GTF2E2: variants seen among roughly 807,000 people sequenced by gnomAD.
GTF2E2 encodes general transcription factor IIE subunit 2.
A neutral mutation model predicts 40.5 loss-of-function variants in GTF2E2; 21 were observed. That is an observed-to-expected ratio of 0.52 (90% CI 0.37 to 0.75). The LOEUF is 0.75. Among genes scored for constraint, GTF2E2 ranks in the 30% least tolerant of loss-of-function variants. The pLI, the probability that GTF2E2 is intolerant of heterozygous loss-of-function variation, is 0.00. For synonymous variants in GTF2E2, 117 were observed against 121.6 expected, an observed-to-expected ratio of 0.96 and a Z score of 0.25; for missense variants, 298 against 338.4, an observed-to-expected ratio of 0.88 and a Z score of 0.94.
chr8:30,584,105 C>A (rs1377690952), intron 6 of GTF2E2, among the ~76,000 whole-genome samples: 1 of 152,054 alleles, frequency 6.6e-6, no homozygotes, highest in Non-Finnish European at 1.5e-5. Flanking sequence ...CGTGCCCAGC[C>A]GACGATCAGT....
intron 5 of GTF2E2, among the ~76,000 whole-genome samples, chr8:30,607,893 G>A (rs763508290): frequency 3.9e-5 from 6 of 152,124 alleles, no homozygotes; most frequent in Non-Finnish European, 7.3e-5. Flanking sequence ...ATAGAAGAAT[G>A]ATTAAATCAC....
chr8:30,658,143 T>TGGCGGCGGCGGCGGC lies in GTF2E2; in HGVS notation c.-190_-176dup, dbSNP rs576140574. Reference sequence around the variant, plus strand: ...CAGGTCGGGGTCTCACCACTGGCGGTGGCGGCGGCGGCGGCGGCAGCGGCG... The same window carrying TGGCGGCGGCGGCGGC: ...CAGGTCGGGGTCTCACCACTGGCGGTGGCGGCGGCGGCGGCGGCGGCGGCGGCGGCGGCAGCGGCG... On this transcript the variant is annotated 5_prime_UTR_variant, in exon 1 of 8. Transcript: ENST00000355904. The TGGCGGCGGCGGCGGC allele has an allele frequency of 2.7e-3, 506 of 185,720 alleles. 82 individuals are homozygous for TGGCGGCGGCGGCGGC. The highest frequency in any genetic ancestry group is 3.5e-3 in the Non-Finnish European group (317 of 91,172). 11.5% of individuals were successfully genotyped at this position (185,720 alleles called of 1,614,324 possible). A position where few individuals can be genotyped will look rare whatever the true frequency, so the allele number is the denominator to read the frequency against.
intron 2 of GTF2E2, chr8:30,645,825 C>A (rs1802055178): frequency 2.3e-6 from 1 of 439,644 alleles, no homozygotes; most frequent in Admixed American, 3.9e-5. Flanking sequence ...CTGTTTAATA[C>A]TGACACTTCA....
intron 2 of GTF2E2, among the ~76,000 whole-genome samples, chr8:30,637,971 T>TA (rs1292033506): frequency 2.0e-5 from 3 of 152,244 alleles, no homozygotes; most frequent in African/African-American, 7.2e-5. Context: ...ACTCTGTCTC[T>TA]AAAGAGCCAA....
Position 30,607,098 on chromosome 8 carries a change from AG to A in GTF2E2, c.601del (p.Leu201PhefsTer25). On this transcript the variant is annotated frameshift_variant, in exon 6 of 8. Coordinates refer to ENST00000355904, the MANE Select transcript of GTF2E2 (RefSeq NM_002095.6). LOFTEE classifies it high-confidence loss of function. Reference sequence around the variant, plus strand: ...CTGACAGCTCTTATCATTGAAGAAAAGTATTTTCTTCTTATCGGGACGATTT... The same window carrying A: ...CTGACAGCTCTTATCATTGAAGAAAATATTTTCTTCTTATCGGGACGATTT... ...FVNRPDKKKI[L>X]FFNDKSCQFS... 2.0e-6 allele frequency: 3 copies of A among 1,495,186 alleles called. No individual in the cohort carries two copies. The highest frequency in any genetic ancestry group is 2.8e-6 in the Non-Finnish European group (3 of 1,083,882). The allele number at this position is 1,495,186 out of a possible 1,614,324, so 92.6% of individuals were successfully genotyped here.
At chr8:30,641,770 G>A (rs1013814440) in intron 2 of GTF2E2, among the ~76,000 whole-genome samples, 2 of 152,136 alleles carry the variant, frequency 1.3e-5, no homozygotes, top group Admixed American at 6.5e-5. Flanking sequence ...CCAACTATTC[G>A]GGAGGCTGAG....
Position 30,645,680 on chromosome 8 carries a change from C to T in GTF2E2, c.166+7753G>A, listed in dbSNP as rs556180850. 16 of 1,315,540 alleles carry T rather than the reference C, an allele frequency of 1.2e-5. No homozygotes were observed. The South Asian group carries it at 2.0e-4, about 16-fold the overall frequency. 81.5% of individuals were successfully genotyped at this position (1,315,540 alleles called of 1,614,324 possible). A position where few individuals can be genotyped will look rare whatever the true frequency, so the allele number is the denominator to read the frequency against. On this transcript the variant is annotated intron_variant, in intron 2 of 7. Coordinates refer to ENST00000355904, the MANE Select transcript of GTF2E2 (RefSeq NM_002095.6). The stretch of plus-strand genomic sequence containing the variant: ...AAATATATTCTGAGGCCAACTGTTG[C>T]TACAAAACAAATTCTGACTGAATGG...
intron 3 of GTF2E2, among the ~76,000 whole-genome samples, chr8:30,629,688 C>CAA (rs10707910): frequency 3.5e-4 from 25 of 70,908 alleles, no homozygotes; most frequent in South Asian, 5.1e-4. Context: ...GATTCCATCT[C>CAA]AAAAAAAAAA....
At chr8:30,639,246 C>T (rs1172902413) in intron 2 of GTF2E2, among the ~76,000 whole-genome samples, 1 of 152,152 alleles carries the variant, frequency 6.6e-6, no homozygotes, top group African/African-American at 2.4e-5. Context: ...ATATGGGCTG[C>T]ATTATACTAC....
rs74932397 is a variant in GTF2E2, at chr8:30,625,540, A to G, written c.258+9492T>C. ...CGAACAGCCAAATCAATGGTTTCAT[A>G]AGGAATCTTTTAGCACCATGTGGCA... On this transcript the variant is annotated intron_variant, in intron 3 of 7. Transcript: ENST00000355904. Among the ~76,000 whole-genome samples, 19 of 152,188 alleles carry G rather than the reference A, an allele frequency of 1.2e-4. No individual in the cohort carries two copies. In the East Asian group the frequency reaches 2.3e-3, roughly 19 times the overall value.
intron 6 of GTF2E2, among the ~76,000 whole-genome samples, chr8:30,586,288 C>A (rs1828680953): frequency 6.6e-6 from 1 of 152,142 alleles, no homozygotes; most frequent in African/African-American, 2.4e-5. Context: ...AAAATAATTT[C>A]TTGTGTGCTA....
intron 1 of GTF2E2, among the ~76,000 whole-genome samples, chr8:30,654,147 G>A (rs1338128936): frequency 1.3e-5 from 2 of 150,194 alleles, no homozygotes; most frequent in Non-Finnish European, 3.0e-5. Context: ...TAAAGTTCCA[G>A]AACTGTGCTG....
chr8:30,590,183 A>G (rs114923624), intron 6 of GTF2E2, among the ~76,000 whole-genome samples: 2,455 of 152,304 alleles, frequency 0.016, 57 homozygotes, highest in African/African-American at 0.054. Flanking sequence ...AAATAAAATC[A>G]CACAGCATGT....
intron 6 of GTF2E2, among the ~76,000 whole-genome samples, chr8:30,606,619 A>G (rs2151123886): frequency 6.6e-6 from 1 of 152,332 alleles, no homozygotes; most frequent in East Asian, 1.9e-4. Flanking sequence ...CACAATTTCC[A>G]GAAAGAAAAA....
intron 3 of GTF2E2, among the ~76,000 whole-genome samples, chr8:30,632,231 A>G (rs1801457934): frequency 6.6e-6 from 1 of 152,278 alleles, no homozygotes; most frequent in South Asian, 2.1e-4. Context: ...AAATTATTAC[A>G]AAAATTGACA....
At chr8:30,635,488 T>C (rs757674474) in intron 2 of GTF2E2, among the ~76,000 whole-genome samples, 1 of 152,120 alleles carries the variant, frequency 6.6e-6, no homozygotes, top group Admixed American at 6.6e-5. Flanking sequence ...GCTCAGGTGA[T>C]TCTCCCACCT....
At chr8:30,600,242 A>T (rs561887192) in intron 6 of GTF2E2, among the ~76,000 whole-genome samples, 2 of 152,340 alleles carry the variant, frequency 1.3e-5, no homozygotes, top group African/African-American at 4.8e-5. Context: ...TTTCTTTGCT[A>T]TCTGTTTAAC....
At chr8:30,608,621 C>T (rs1473672861) in intron 5 of GTF2E2, among the ~76,000 whole-genome samples, 3 of 152,192 alleles carry the variant, frequency 2.0e-5, no homozygotes, top group African/African-American at 7.2e-5. Flanking sequence ...ATCCCAAAAT[C>T]TCGAATCCAA....
At chr8:30,608,683 G>A (rs1485900193) in intron 5 of GTF2E2, among the ~76,000 whole-genome samples, 2 of 152,136 alleles carry the variant, frequency 1.3e-5, no homozygotes, top group Non-Finnish European at 2.9e-5. Flanking sequence ...ATACTTACTG[G>A]GGGCCAGGTG....
Sources: allele counts gnomAD v4.1 joint callset (sites outside exome capture counted in the v4.1 genomes callset), GRCh38; gene constraint gnomAD v4.1.1; transcripts MANE v1.5; gene names NCBI Gene and HGNC (gene_info 2026-07-23, HGNC 2026-07-21).